MYO16: variants seen among roughly 807,000 people sequenced by gnomAD.
The protein encoded by MYO16 is myosin XVI.
Under a neutral mutation model 205.3 loss-of-function variants are expected in MYO16, and 94 were observed. The ratio of observed to expected loss-of-function variants is 0.46; its 90% CI spans 0.39 to 0.54. MYO16 has a LOEUF of 0.54. MYO16 is among the 20% of genes least tolerant of loss of function. The pLI is 0.00. For synonymous variants in MYO16, 988 were observed against 954.0 expected (o/e 1.04, Z -0.66); for missense variants, 2,315 against 2,387.5 (o/e 0.97, Z 0.63).
chr13:108,768,851 T>G (rs1182289445), intron 4 of MYO16, among the ~76,000 whole-genome samples: 1 of 151,996 alleles, frequency 6.6e-6, no homozygotes, highest in Non-Finnish European at 1.5e-5. Flanking sequence ...AGCACAACCC[T>G]AATATTTAAA....
At chr13:108,608,247 C>A (rs954247169) in intron 1 of MYO16, among the ~76,000 whole-genome samples, 2 of 152,148 alleles carry the variant, frequency 1.3e-5, no homozygotes, top group Non-Finnish European at 2.9e-5. Flanking sequence ...GTTATCCAGC[C>A]TTTGTAGCTC....
At chr13:108,658,873 G>A (rs1004814613) in intron 1 of MYO16, among the ~76,000 whole-genome samples, 1 of 152,020 alleles carries the variant, frequency 6.6e-6, no homozygotes, top group Non-Finnish European at 1.5e-5. Flanking sequence ...CAAATTGTCT[G>A]CAAGTTTCTA....
the MYO16 span, among the ~76,000 whole-genome samples, chr13:108,496,636 T>A: frequency 6.6e-6 from 1 of 152,172 alleles, no homozygotes; most frequent in African/African-American, 2.4e-5. Flanking sequence ...AATTGGTCCC[T>A]AGTACGCCCC....
At chr13:109,199,996 A>T (rs1285286176) in intron 34 of MYO16, among the ~76,000 whole-genome samples, 1 of 152,216 alleles carries the variant, frequency 6.6e-6, no homozygotes, top group Admixed American at 6.5e-5. Flanking sequence ...CTATTCTAAA[A>T]TTTTAAAGCT....
At chr13:108,586,515 G>T in the MYO16 span, among the ~76,000 whole-genome samples, 1 of 152,160 alleles carries the variant, frequency 6.6e-6, no homozygotes, top group Non-Finnish European at 1.5e-5. Context: ...TTTTATTGCT[G>T]CTAACTGAAT....
intron 4 of MYO16, among the ~76,000 whole-genome samples, chr13:108,776,033 G>A (rs1036104689): frequency 6.6e-6 from 1 of 152,132 alleles, no homozygotes; most frequent in Admixed American, 6.5e-5. Context: ...CTGAGAAACA[G>A]CAAAAGCTTC....
At chr13:108,770,114 C>T (rs1467494056) in intron 4 of MYO16, among the ~76,000 whole-genome samples, 1 of 151,986 alleles carries the variant, frequency 6.6e-6, no homozygotes, top group Non-Finnish European at 1.5e-5. Flanking sequence ...TGATAAACTA[C>T]TAAAAAATGA....
the MYO16 span, among the ~76,000 whole-genome samples, chr13:108,498,602 T>A: frequency 5.3e-5 from 8 of 152,278 alleles, no homozygotes; most frequent in African/African-American, 1.7e-4. Context: ...AGAGTGAGCA[T>A]GTGAAGAGAT....
rs191469957 is a variant in MYO16 at position 108,640,313 on chromosome 13, G to T, written c.28+10441G>T. On this transcript the variant is annotated intron_variant, in intron 1 of 34. Transcript: ENST00000457511. Reference sequence around the variant, plus strand: ...AGTGCAGGCAGGACCAGCATCCTCTGGAGTAATCGATGAGGAGGCCATTAG... The same window carrying T: ...AGTGCAGGCAGGACCAGCATCCTCTTGAGTAATCGATGAGGAGGCCATTAG... 2.1e-3 allele frequency among the ~76,000 whole-genome samples: 315 copies of T among 152,236 alleles called. 2 individuals are homozygous for T. The highest frequency in any genetic ancestry group is 7.1e-3 in the African/African-American group (296 of 41,550).
chr13:108,622,349 C>G (rs1197171387), intron 1 of MYO16, among the ~76,000 whole-genome samples: 1 of 152,114 alleles, frequency 6.6e-6, no homozygotes, highest in African/African-American at 2.4e-5. Context: ...GCTGCCATTT[C>G]TTATCACAGG....
At chr13:108,751,329 C>T (rs1307020134) in intron 4 of MYO16, among the ~76,000 whole-genome samples, 1 of 151,834 alleles carries the variant, frequency 6.6e-6, no homozygotes, top group African/African-American at 2.4e-5. Flanking sequence ...AGGAGTACAT[C>T]AAAGAAATTC....
At chr13:108,508,546 T>C in the MYO16 span, among the ~76,000 whole-genome samples, 1 of 152,176 alleles carries the variant, frequency 6.6e-6, no homozygotes, top group Non-Finnish European at 1.5e-5. Flanking sequence ...GTTTTGTCAG[T>C]ATTCTAAATC....
At chr13:109,185,185 A>G (rs549665124) in intron 34 of MYO16, among the ~76,000 whole-genome samples, 1 of 152,368 alleles carries the variant, frequency 6.6e-6, no homozygotes, top group Admixed American at 6.5e-5. Context: ...CAAAGTAATT[A>G]GAAACATTTG....
chr13:108,580,614 T>G, the MYO16 span, among the ~76,000 whole-genome samples: 108 of 152,344 alleles, frequency 7.1e-4, 1 homozygote, highest in East Asian at 0.016. Flanking sequence ...GTTTATTTAG[T>G]TAAATTTAAA....
chr13:109,058,275 C>T (rs796314370), intron 27 of MYO16, among the ~76,000 whole-genome samples: 4 of 152,166 alleles, frequency 2.6e-5, no homozygotes, highest in African/African-American at 9.6e-5. Context: ...TCAAAGCAAA[C>T]TTGTGGGGAA....
intron 23 of MYO16, among the ~76,000 whole-genome samples, chr13:109,032,706 C>T (rs896262821): frequency 6.6e-6 from 1 of 152,188 alleles, no homozygotes; most frequent in Non-Finnish European, 1.5e-5. Context: ...AATACCACTA[C>T]TGACAGACAC....
rs113764717 is a variant in MYO16 at position 108,865,967 on chromosome 13, G to A, written c.1360-210G>A. Among the ~76,000 whole-genome samples, 401 of 151,922 alleles carry A rather than the reference G, an allele frequency of 2.6e-3. 1 individual carries two copies. The highest frequency in any genetic ancestry group is 8.8e-3 in the African/African-American group (364 of 41,478). On this transcript the variant is annotated intron_variant, in intron 11 of 34. Coordinates refer to ENST00000457511, the MANE Select transcript of MYO16 (RefSeq NM_001198950.3). ...TCTTATGTTCAGTGAAATAAAGCCT[G>A]TTTTATTTAATTTGAATTATTTAAT...
Position 108,623,892 on chromosome 13 carries a change from A to C in MYO16, c.-39+27653A>C, listed in dbSNP as rs114611358. On this transcript the variant is annotated intron_variant, in intron 1 of 24. Coordinates refer to the MYO16 transcript ENST00000251041. ...TTATAAATGCTGGATTGACTGGTACATGAAAAAAATGAATATAAGCTTTAG... is the reference window on the plus strand; with the variant it reads ...TTATAAATGCTGGATTGACTGGTACCTGAAAAAAATGAATATAAGCTTTAG... 3.6e-3 allele frequency among the ~76,000 whole-genome samples: 551 copies of C among 152,290 alleles called. 4 individuals are homozygous for C. Among genetic ancestry groups the C allele is most frequent in the African/African-American group, 0.013 (530 of 41,582 alleles).
At chr13:108,883,836 G>C (rs1036955922) in intron 13 of MYO16, among the ~76,000 whole-genome samples, 1 of 152,028 alleles carries the variant, frequency 6.6e-6, no homozygotes, top group African/African-American at 2.4e-5. Context: ...TATTGCCCAG[G>C]CTGGTCTCAA....
Sources: gnomAD v4.1 joint callset for allele counts (sites outside exome capture counted in the v4.1 genomes callset) on GRCh38, gnomAD v4.1.1 for gene constraint, MANE v1.5 for transcripts, NCBI Gene and HGNC (gene_info 2026-07-23, HGNC 2026-07-21) for gene names.